Variants in CSMD1 observed in about 807,000 individuals in gnomAD.
CSMD1 encodes CUB and sushi domain-containing protein 1.
Under a neutral mutation model 417.5 loss-of-function variants are expected in CSMD1, and 213 were observed. That is an observed-to-expected ratio of 0.51 (90% CI 0.46 to 0.57). CSMD1 has a LOEUF of 0.57. Ranked by LOEUF, CSMD1 falls within the 20% of genes least tolerant of loss-of-function variation. The pLI, the probability that CSMD1 is intolerant of heterozygous loss-of-function variation, is 0.00. For missense variants in CSMD1, 6,923 were observed against 4,529.7 expected (o/e 1.53, Z -15.17); for synonymous variants, 2,862 against 1,736.8 (o/e 1.65, Z -16.11).
chr8:3,438,978 G>A (rs772484729), intron 12 of CSMD1, among the ~76,000 whole-genome samples: 7 of 150,934 alleles, frequency 4.6e-5, no homozygotes, highest in Non-Finnish European at 7.4e-5. Flanking sequence ...AGCCGGGCAT[G>A]GTAGTGGGCA....
At chr8:4,778,632 T>G (rs1394298916) in intron 1 of CSMD1, among the ~76,000 whole-genome samples, 1 of 152,228 alleles carries the variant, frequency 6.6e-6, no homozygotes, top group African/African-American at 2.4e-5. Flanking sequence ...CTATTGACCC[T>G]CTGACCTTCA....
intron 3 of CSMD1, among the ~76,000 whole-genome samples, chr8:4,171,178 A>G (rs1797744480): frequency 6.6e-6 from 1 of 151,836 alleles, no homozygotes; most frequent in Non-Finnish European, 1.5e-5. Flanking sequence ...CTCTGGATCA[A>G]ATATCCATCA....
intron 1 of CSMD1, among the ~76,000 whole-genome samples, chr8:4,937,088 C>G (rs1241698943): frequency 6.6e-6 from 1 of 152,156 alleles, no homozygotes. Context: ...TGGCACACAC[C>G]TGTAGTCCCA....
At chr8:3,595,941 ATCT>A (rs559258176) in intron 8 of CSMD1, among the ~76,000 whole-genome samples, 1 of 152,268 alleles carries the variant, frequency 6.6e-6, no homozygotes, top group Non-Finnish European at 1.5e-5. Context: ...CCCCTCTCCC[ATCT>A]TCTTCTCTTT....
In CSMD1 at chr8:4,143,958, C is replaced by T. The variant is rs35354756; in HGVS notation, c.416-111859G>A. ...AGATGAAGGGATGGCCAGTGCTTGG[C>T]CCATAGCCAATCCAAGGCACTCTCC... is the stretch of plus-strand genomic sequence containing the variant. On this transcript the variant is annotated intron_variant, in intron 3 of 69. Coordinates refer to ENST00000635120, the MANE Select transcript of CSMD1 (RefSeq NM_033225.6). 2.0e-5 allele frequency among the ~76,000 whole-genome samples: 3 copies of T among 151,020 alleles called. No homozygotes were observed. The South Asian group carries it at 6.2e-4, about 31-fold the overall frequency.
chr8:4,334,798 T>C (rs532139645), intron 3 of CSMD1, among the ~76,000 whole-genome samples: 1 of 150,326 alleles, frequency 6.7e-6, no homozygotes, highest in East Asian at 1.9e-4. Flanking sequence ...TGGGCTGCTA[T>C]GACAAAATGC....
intron 26 of CSMD1, among the ~76,000 whole-genome samples, chr8:3,233,991 G>T (rs1034669914): frequency 6.6e-6 from 1 of 152,200 alleles, no homozygotes; most frequent in Non-Finnish European, 1.5e-5. Flanking sequence ...CAACATCGAT[G>T]TCTGTGTATT....
chr8:3,370,734 G>A (rs142429437), intron 18 of CSMD1, among the ~76,000 whole-genome samples: 1,669 of 152,280 alleles, frequency 0.011, 30 homozygotes, highest in African/African-American at 0.038. Flanking sequence ...CAGCACTTTG[G>A]GAGGCTGAGG....
intron 6 of CSMD1, among the ~76,000 whole-genome samples, chr8:3,741,993 T>C (rs898986846): frequency 6.6e-6 from 1 of 151,702 alleles, no homozygotes; most frequent in Admixed American, 6.6e-5. Flanking sequence ...TTTTTTTTTT[T>C]AACCCTGCAA....
At chr8:4,176,919 G>C (rs1312940775) in intron 3 of CSMD1, among the ~76,000 whole-genome samples, 1 of 149,578 alleles carries the variant, frequency 6.7e-6, no homozygotes, top group East Asian at 2.0e-4. Flanking sequence ...GGAGCACCCA[G>C]ATTCATAAAG....
intron 3 of CSMD1, among the ~76,000 whole-genome samples, chr8:4,334,947 T>C (rs146998489): frequency 1.3e-5 from 2 of 152,248 alleles, no homozygotes; most frequent in African/African-American, 4.8e-5. Flanking sequence ...TTTTGCTACA[T>C]CCTCACATGA....
intron 6 of CSMD1, among the ~76,000 whole-genome samples, chr8:3,744,144 G>C (rs761128283): frequency 3.3e-5 from 5 of 152,244 alleles, no homozygotes; most frequent in Non-Finnish European, 5.9e-5. Context: ...GACTTGTCTC[G>C]TCACTTTTCT....
At chr8:4,947,951 T>C (rs1002805232) in intron 1 of CSMD1, among the ~76,000 whole-genome samples, 1 of 152,062 alleles carries the variant, frequency 6.6e-6, no homozygotes, top group Non-Finnish European at 1.5e-5. Flanking sequence ...TTTATTCCTA[T>C]TGTTTTCTTT....
intron 7 of CSMD1, among the ~76,000 whole-genome samples, chr8:3,680,606 G>A (rs1437932772): frequency 6.6e-6 from 1 of 152,102 alleles, no homozygotes; most frequent in African/African-American, 2.4e-5. Flanking sequence ...TCTATCAGAC[G>A]TACAAAGAGG....
chr8:3,330,555 T>C (rs1042004351), intron 23 of CSMD1, among the ~76,000 whole-genome samples: 2 of 152,102 alleles, frequency 1.3e-5, no homozygotes, highest in Non-Finnish European at 1.5e-5. Flanking sequence ...TGTGAACTCA[T>C]GAACACAAAG....
chr8:4,864,834 T>G (rs1282145775), intron 1 of CSMD1, among the ~76,000 whole-genome samples: 1 of 150,806 alleles, frequency 6.6e-6, no homozygotes, highest in Middle Eastern at 3.4e-3. Flanking sequence ...ATATAACATT[T>G]AAAGTAATTG....
At chr8:3,791,634 G>A (rs1480752755) in intron 5 of CSMD1, among the ~76,000 whole-genome samples, 1 of 152,128 alleles carries the variant, frequency 6.6e-6, no homozygotes, top group Non-Finnish European at 1.5e-5. Flanking sequence ...GACCAGCCTG[G>A]TCAGCATGGC....
At chr8:4,441,721 G>C (rs1189494306) in intron 2 of CSMD1, among the ~76,000 whole-genome samples, 3 of 152,130 alleles carry the variant, frequency 2.0e-5, no homozygotes, top group East Asian at 3.9e-4. Flanking sequence ...AGGTACAGGA[G>C]ATAAATGAAA....
At chr8:3,343,584 A>G in intron 22 of CSMD1, 134 bp from the exon 23 acceptor site, 1 of 736,794 alleles carries the variant, frequency 1.4e-6, no homozygotes, top group Non-Finnish European at 2.1e-6. Context: ...TTACAGAAAG[A>G]TAAATGAAGG....
Sources: allele counts gnomAD v4.1 joint callset (sites outside exome capture counted in the v4.1 genomes callset), GRCh38; gene constraint gnomAD v4.1.1; transcripts MANE v1.5; gene names NCBI Gene and HGNC (gene_info 2026-07-23, HGNC 2026-07-21).